The following PPP4R2 variants were observed in gnomAD, a reference collection of about 807,000 sequenced individuals.
PPP4R2 encodes protein phosphatase 4 regulatory subunit 2.
In PPP4R2, 13 loss-of-function variants were observed where a neutral mutation model predicts 47.2. The ratio of observed to expected loss-of-function variants is 0.28; its 90% CI spans 0.18 to 0.44. The LOEUF (loss-of-function observed/expected upper bound fraction) is 0.44. Among genes scored for constraint, PPP4R2 ranks in the 20% least tolerant of loss-of-function variants. The pLI, the probability that PPP4R2 is intolerant of heterozygous loss-of-function variation, is 1.00. For missense variants in PPP4R2, 421 were observed against 491.2 expected, an observed-to-expected ratio of 0.86 and a Z score of 1.35; for synonymous variants, 151 against 163.3, an observed-to-expected ratio of 0.92 and a Z score of 0.57.
At chr3:73,023,148 G>A (rs1701993495) in intron 2 of PPP4R2, among the ~76,000 whole-genome samples, 1 of 151,304 alleles carries the variant, frequency 6.6e-6, no homozygotes, top group African/African-American at 2.4e-5. Flanking sequence ...TTAAATTATG[G>A]AATCATTATG....
At position 73,047,259 on chromosome 3, in the gene PPP4R2, G is replaced by T; in HGVS notation, c.190G>T (p.Ala64Ser). Reference sequence around the variant, plus strand: ...AGTGATGGATGATTTCAGAACTTCAGCTCCTGAGCCAAGAGGTCCTCCCAA... The same window carrying T: ...AGTGATGGATGATTTCAGAACTTCATCTCCTGAGCCAAGAGGTCCTCCCAA... ...EKVMDDFRTS[A>S]PEPRGPPNPN... Residue 64 changes from alanine (A) to serine (S), a missense_variant, in exon 3 of 9, where the codon GCT (alanine) becomes TCT (serine). Coordinates refer to ENST00000356692, the MANE Select transcript of PPP4R2 (RefSeq NM_174907.4). The T allele has an allele frequency of 6.2e-7, 1 of 1,607,032 alleles. No homozygotes were observed. Among genetic ancestry groups the T allele is most frequent in the African/African-American group, 1.3e-5 (1 of 74,828 alleles).
Position 73,065,569 on chromosome 3 carries a change from A to AG in PPP4R2, c.1103dup (p.Val370CysfsTer3), listed in dbSNP as rs1344114209. On this transcript the variant is annotated frameshift_variant, in exon 9 of 9. Transcript: ENST00000356692. LOFTEE classifies it high-confidence loss of function. ...TACATTCTGAAGGTAGTGAAAACGA[A>AG]GGCCCTGTAAGTAGTAGTTCTTCTG... is the stretch of plus-strand genomic sequence containing the variant. 2 of 1,613,480 alleles carry AG rather than the reference A, an allele frequency of 1.2e-6. No homozygotes were observed. The highest frequency in any genetic ancestry group is 1.7e-5 in the Admixed American group (1 of 60,008).
intron 3 of PPP4R2, among the ~76,000 whole-genome samples, chr3:73,058,761 A>G (rs1332383883): frequency 6.6e-6 from 1 of 151,662 alleles, no homozygotes; most frequent in Non-Finnish European, 1.5e-5. Flanking sequence ...CATTCTAACT[A>G]TATTTTTGTA....
chr3:73,053,932 C>T (rs1406742248), intron 3 of PPP4R2, among the ~76,000 whole-genome samples: 1 of 140,234 alleles, frequency 7.1e-6, no homozygotes, highest in Non-Finnish European at 1.5e-5. Context: ...AAAGCGAAAT[C>T]TGTCATTTGA....
At chr3:73,024,804 A>G (rs1190598533) in intron 2 of PPP4R2, among the ~76,000 whole-genome samples, 6 of 152,182 alleles carry the variant, frequency 3.9e-5, no homozygotes, top group Non-Finnish European at 1.5e-5. Context: ...TTTGCTTCCA[A>G]GCAGCACAAC....
At chr3:73,032,359 G>A (rs965663589) in intron 2 of PPP4R2, among the ~76,000 whole-genome samples, 4 of 151,680 alleles carry the variant, frequency 2.6e-5, no homozygotes, top group African/African-American at 4.8e-5. Context: ...CATGATCTCG[G>A]CTCATTGCAA....
At chr3:73,055,724 C>T (rs921369125) in intron 3 of PPP4R2, among the ~76,000 whole-genome samples, 15 of 150,002 alleles carry the variant, frequency 1.0e-4, no homozygotes, top group African/African-American at 1.5e-4. Context: ...TGCAGTGGCT[C>T]AATCTCGACT....
At chr3:73,016,532 T>C (rs1701836261) in intron 2 of PPP4R2, among the ~76,000 whole-genome samples, 1 of 152,112 alleles carries the variant, frequency 6.6e-6, no homozygotes, top group African/African-American at 2.4e-5. Context: ...TGTCTTGAAG[T>C]TTTCTTCTAG....
In PPP4R2 at chr3:73,064,078, A is replaced by C. The variant is rs1427251262; in HGVS notation, c.570A>C (p.Thr190=). ...PKVSLSAPMT[T]NGLPESTDSK... ...TTTCTTTGTCAGCCCCCATGACAAC[A>C]AATGGGTTGCCTGAGAGCACAGACA... Residue 190 remains threonine (T), a synonymous_variant, in exon 7 of 9, where the codon ACA becomes ACC. Coordinates refer to ENST00000356692, the MANE Select transcript of PPP4R2 (RefSeq NM_174907.4). The C allele has an allele frequency of 1.2e-6, 2 of 1,613,690 alleles. No homozygotes were observed. The highest frequency in any genetic ancestry group is 1.7e-6 in the Non-Finnish European group (2 of 1,179,766).
chr3:73,005,250 T>C, intron 2 of PPP4R2, among the ~76,000 whole-genome samples: 1 of 151,960 alleles, frequency 6.6e-6, no homozygotes, highest in South Asian at 2.1e-4. Context: ...CAAAATACAG[T>C]GGTTTTTATA....
chr3:73,014,739 T>A (rs972687560), intron 2 of PPP4R2, among the ~76,000 whole-genome samples: 11 of 152,366 alleles, frequency 7.2e-5, no homozygotes, highest in African/African-American at 2.6e-4. Flanking sequence ...TTGATAGAGT[T>A]GTTCCTTTTT....
At chr3:73,062,431 C>G (rs754484817) in intron 5 of PPP4R2, 1 of 1,611,452 alleles carries the variant, frequency 6.2e-7, no homozygotes, top group Non-Finnish European at 8.5e-7. Flanking sequence ...GCACATAAAT[C>G]TCATTTCCAC....
At chr3:72,997,357 G>C (rs9834246) in intron 1 of PPP4R2, 185,216 of 344,308 alleles carry the variant, frequency 0.54, 52,189 homozygotes, top group African/African-American at 0.76. Context: ...GGGGACGAGT[G>C]GCGGACCCGC....
At chr3:73,011,710 T>C (rs1481793342) in intron 2 of PPP4R2, among the ~76,000 whole-genome samples, 1 of 152,170 alleles carries the variant, frequency 6.6e-6, no homozygotes, top group Non-Finnish European at 1.5e-5. Context: ...AAAAAAACTT[T>C]TAAGTAATTG....
intron 3 of PPP4R2, among the ~76,000 whole-genome samples, chr3:73,053,758 A>G (rs1001626214): frequency 5.3e-5 from 8 of 151,832 alleles, no homozygotes; most frequent in African/African-American, 1.9e-4. Context: ...AAATACAAAA[A>G]ATTAGCTGGG....
At chr3:73,006,794 A>G (rs990337028) in intron 2 of PPP4R2, among the ~76,000 whole-genome samples, 1 of 152,092 alleles carries the variant, frequency 6.6e-6, no homozygotes, top group African/African-American at 2.4e-5. Context: ...GCTGTTCTCA[A>G]ATTGGTCTGC....
At chr3:73,062,166 T>G in intron 5 of PPP4R2, 1 of 1,551,792 alleles carries the variant, frequency 6.4e-7, no homozygotes, top group East Asian at 2.3e-5. Context: ...CAAAAGATCT[T>G]TTAGACCTAT....
At chr3:73,046,106 G>C (rs924292257) in intron 2 of PPP4R2, among the ~76,000 whole-genome samples, 4 of 152,198 alleles carry the variant, frequency 2.6e-5, no homozygotes, top group African/African-American at 4.8e-5. Flanking sequence ...TCTGGCTTCT[G>C]CTACAGCTAG....
intron 2 of PPP4R2, among the ~76,000 whole-genome samples, chr3:73,001,692 G>A (rs891680374): frequency 1.3e-4 from 20 of 151,740 alleles, no homozygotes; most frequent in African/African-American, 4.1e-4. Flanking sequence ...ACACTGGATC[G>A]TAGTGGCGCG....
Sources: gnomAD v4.1 joint callset for allele counts (sites outside exome capture counted in the v4.1 genomes callset) on GRCh38, gnomAD v4.1.1 for gene constraint, MANE v1.5 for transcripts, NCBI Gene and HGNC (gene_info 2026-07-23, HGNC 2026-07-21) for gene names.